Variants in WDR19 observed in about 807,000 individuals in gnomAD.
WDR19 encodes WD repeat-containing protein 19.
WDR19 carries 121 observed loss-of-function variants against 180.0 expected under a neutral mutation model. That is an observed-to-expected ratio of 0.67 (90% confidence interval 0.58 to 0.78). The LOEUF (loss-of-function observed/expected upper bound fraction) is 0.78, where lower values mean the gene tolerates loss of function less well. Ranked by LOEUF, WDR19 falls within the 30% of genes least tolerant of loss-of-function variation. The pLI is 0.00. For synonymous variants in WDR19, 497 were observed against 540.7 expected, an observed-to-expected ratio of 0.92 and a Z score of 1.12; for missense variants, 1,450 against 1,640.7, an observed-to-expected ratio of 0.88 and a Z score of 2.01.
intron 20 of WDR19, among the ~76,000 whole-genome samples, chr4:39,235,725 A>C (rs556629088): frequency 6.6e-6 from 1 of 152,224 alleles, no homozygotes; most frequent in African/African-American, 2.4e-5. Flanking sequence ...AAATATTTGC[A>C]AACTATGCAT....
In WDR19 at chr4:39,195,291, C is replaced by T. The variant is rs996798803; in HGVS notation, c.406+632C>T. 6.7e-5 allele frequency among the ~76,000 whole-genome samples: 10 copies of T among 149,502 alleles called. No homozygotes were observed. In the Middle Eastern group the frequency reaches 0.017, roughly 261 times the overall value. On this transcript the variant is annotated intron_variant, in intron 5 of 36. Coordinates refer to ENST00000399820, the MANE Select transcript of WDR19 (RefSeq NM_025132.4). ...CTGAGGCAGGAGAATCACTTGAACT[C>T]GGAGGGTGGATGTTGCAGTGAGCAG... is the stretch of plus-strand genomic sequence containing the variant.
At chr4:39,278,395 C>A in intron 35 of WDR19, 144 bp from the exon 36 acceptor site, 1 of 796,594 alleles carries the variant, frequency 1.3e-6, no homozygotes, top group Non-Finnish European at 2.0e-6. Flanking sequence ...TTGCATGAGA[C>A]TGAATAGTTC....
At position 39,200,801 on chromosome 4, in the gene WDR19, G is replaced by A. The variant is rs948154141; in HGVS notation, c.522+1208G>A. 2.0e-5 allele frequency among the ~76,000 whole-genome samples: 3 copies of A among 152,166 alleles called. No homozygotes were observed. In the East Asian group the frequency reaches 5.8e-4, roughly 29 times the overall value. On this transcript the variant is annotated intron_variant, in intron 6 of 36. Transcript: ENST00000399820. Reference sequence around the variant, plus strand: ...AAAACCAGAAAGTGGGGATCATTGTGGGCCATCTTACAGGCTGCTGATCGT... The same window carrying A: ...AAAACCAGAAAGTGGGGATCATTGTAGGCCATCTTACAGGCTGCTGATCGT...
intron 33 of WDR19, 129 bp downstream of exon 33, chr4:39,275,087 C>T (rs981169035): frequency 1.2e-5 from 14 of 1,178,746 alleles, no homozygotes; most frequent in Admixed American, 4.0e-5. Context: ...CACCTATAAT[C>T]CCAACACTTT....
intron 6 of WDR19, among the ~76,000 whole-genome samples, chr4:39,200,985 G>T (rs1156960990): frequency 2.0e-5 from 3 of 152,134 alleles, no homozygotes; most frequent in African/African-American, 4.8e-5. Context: ...AAGATAGAAG[G>T]CTATCTGAAT....
intron 1 of WDR19, among the ~76,000 whole-genome samples, chr4:39,184,991 T>A (rs568793906): frequency 7.9e-5 from 12 of 152,330 alleles, no homozygotes; most frequent in Admixed American, 6.5e-4. Context: ...AAAAATGTTA[T>A]TTCAACATGT....
Position 39,215,972 on chromosome 4 carries a change from A to G in WDR19, c.1093A>G (p.Thr365Ala), listed in dbSNP as rs745627337. 8.7e-6 allele frequency: 14 copies of G among 1,611,190 alleles called. No homozygotes were observed. Among genetic ancestry groups the G allele is most frequent in the Middle Eastern group, 1.6e-4 (1 of 6,076 alleles). Residue 365 changes from threonine to alanine, a missense_variant, in exon 11 of 37, where the codon ACC becomes GCC. Transcript: ENST00000399820. ...CTGCAGCACAAGGATTGCCTATCTC[A>G]CCTCCCTCCTTGAAGTCACCGTAGC... Reference protein sequence around the residue: ...DACSTRIAYLTSLLEVTVANP... With the variant: ...DACSTRIAYLASLLEVTVANP...
intron 36 of WDR19, among the ~76,000 whole-genome samples, chr4:39,282,599 T>A (rs1736662253): frequency 6.6e-6 from 1 of 152,146 alleles, no homozygotes; most frequent in Non-Finnish European, 1.5e-5. Flanking sequence ...GGTTTCACCA[T>A]GTTGGCCAGG....
At chr4:39,281,232 T>TA (rs542816951) in intron 36 of WDR19, among the ~76,000 whole-genome samples, 3 of 100,924 alleles carry the variant, frequency 3.0e-5, no homozygotes, top group African/African-American at 1.6e-4. Context: ...TATATATATA[T>TA]ATATAGAGAG....
intron 36 of WDR19, among the ~76,000 whole-genome samples, chr4:39,280,216 C>T (rs1026929519): frequency 1.3e-4 from 19 of 148,256 alleles, no homozygotes; most frequent in Non-Finnish European, 7.4e-5. Flanking sequence ...CCTACCTTGG[C>T]CTCCCAAAGT....
At chr4:39,253,044 A>C (rs1577999447) in intron 24 of WDR19, 102 bp from the exon 25 acceptor site, 1 of 1,120,032 alleles carries the variant, frequency 8.9e-7, no homozygotes, top group East Asian at 2.6e-5. Flanking sequence ...AAAAATAAGC[A>C]GTCACCATCA....
chr4:39,205,223 C>G lies in WDR19; in HGVS notation c.673C>G (p.Leu225Val), dbSNP rs1727822059. ...NLNEPDNPADLEFQQDFGNIV... is the reference protein window; with the variant it reads ...NLNEPDNPADVEFQQDFGNIV... ...GAATGAACCAGATAACCCAGCTGAT[C>G]TTGAATTTCAGCAGGACTTTGGCAA... The change falls in exon 8 of 37, where the codon CTT (leucine) becomes GTT (valine). Residue 225 changes from leucine to valine, a missense_variant. Coordinates refer to ENST00000399820, the MANE Select transcript of WDR19 (RefSeq NM_025132.4). 1 of 1,602,812 alleles carries G rather than the reference C, an allele frequency of 6.2e-7. No individual in the cohort carries two copies. The highest frequency in any genetic ancestry group is 1.1e-5 in the South Asian group (1 of 88,792).
chr4:39,224,862 C>G, intron 14 of WDR19, 22 bp from the exon 15 acceptor site: 1 of 1,442,518 alleles, frequency 6.9e-7, no homozygotes, highest in Non-Finnish European at 9.2e-7. Context: ...ATTTTCATGG[C>G]TGGATTTTTT....
intron 19 of WDR19, 91 bp downstream of exon 19, chr4:39,232,363 G>A (rs1730971051): frequency 9.6e-6 from 10 of 1,043,438 alleles, no homozygotes; most frequent in South Asian, 4.7e-5. Flanking sequence ...AGCCGCTCAC[G>A]CCTCTAATTC....
intron 32 of WDR19, 61 bp from the exon 33 acceptor site, chr4:39,274,747 G>T: frequency 5.1e-6 from 8 of 1,572,642 alleles, no homozygotes; most frequent in Non-Finnish European, 6.9e-6. Context: ...GTGGAATCCC[G>T]CCTGTATCAC....
intron 1 of WDR19, 99 bp from the exon 2 acceptor site, chr4:39,185,627 C>CTATGAAAACATGGT: frequency 9.0e-7 from 1 of 1,110,176 alleles, no homozygotes; most frequent in Non-Finnish European, 1.3e-6. Flanking sequence ...ATCCTGAATC[C>CTATGAAAACATGGT]TATGAAAACA....
Position 39,277,053 on chromosome 4 carries a change from G to A in WDR19, c.3750G>A (p.Thr1250=), listed in dbSNP as rs761318983. Residue 1250 remains threonine (T), a synonymous_variant, in exon 34 of 37, where the codon ACG becomes ACA. Transcript: ENST00000399820. ...ATATATCTGAGATAGAAGAGGCCAC[G>A]ACTCCATGTCCATTCTGCAAATTTC... ...RPDISEIEEA[T]TPCPFCKFLL... 10 of 1,613,714 alleles carry A rather than the reference G, an allele frequency of 6.2e-6. 1 individual carries two copies. The highest frequency in any genetic ancestry group is 5.0e-5 in the Admixed American group (3 of 60,000).
chr4:39,258,029 T>G (rs534813204), intron 28 of WDR19, among the ~76,000 whole-genome samples: 27 of 152,164 alleles, frequency 1.8e-4, no homozygotes, highest in African/African-American at 5.5e-4. Flanking sequence ...TATATTCTTA[T>G]AGATTTGTTT....
chr4:39,191,117 T>C (rs985048513), intron 4 of WDR19, among the ~76,000 whole-genome samples: 15 of 152,230 alleles, frequency 9.9e-5, no homozygotes, highest in Admixed American at 5.2e-4. Context: ...GTAGATGTTA[T>C]CGTAATTGTC....
Sources: allele counts gnomAD v4.1 joint callset (sites outside exome capture counted in the v4.1 genomes callset), GRCh38; gene constraint gnomAD v4.1.1; transcripts MANE v1.5; gene names NCBI Gene and HGNC (gene_info 2026-07-23, HGNC 2026-07-21).